Variants in SLC16A2 observed in about 807,000 individuals in gnomAD.
The protein encoded by SLC16A2 is solute carrier family 16 member 2, also known as monocarboxylate transporter 8.
Under a neutral mutation model 27.2 loss-of-function variants are expected in SLC16A2, and 3 were observed. That is an observed-to-expected ratio of 0.11 (90% CI 0.05 to 0.28). The LOEUF (loss-of-function observed/expected upper bound fraction) is 0.28. SLC16A2 is among the 10% of genes least tolerant of loss of function. The pLI, the probability that SLC16A2 is intolerant of heterozygous loss-of-function variation, is 1.00. For synonymous variants in SLC16A2, 202 were observed against 187.8 expected (o/e 1.08, Z -0.62); for missense variants, 295 against 458.5 (o/e 0.64, Z 3.26).
At chrX:74,502,399 C>T (rs1217875755) in intron 1 of SLC16A2, among the ~76,000 whole-genome samples, 1 of 111,766 alleles carries the variant, frequency 8.9e-6, no homozygotes, top group Non-Finnish European at 1.9e-5. Flanking sequence ...TTTAACATTC[C>T]ACTAGGACTT....
intron 2 of SLC16A2, among the ~76,000 whole-genome samples, chrX:74,522,417 G>A (rs145458205): frequency 1.3e-3 from 149 of 111,173 alleles, no homozygotes; most frequent in African/African-American, 4.6e-3. Context: ...GGGAAAAACC[G>A]TGTCCTGCCT....
chrX:74,459,969 G>C (rs1375083566), intron 1 of SLC16A2, among the ~76,000 whole-genome samples: 1 of 111,685 alleles, frequency 9.0e-6, no homozygotes, highest in Non-Finnish European at 1.9e-5. Flanking sequence ...CAAGACTCAA[G>C]GTGGTCTGAC....
chrX:74,476,689 G>A (rs780567538), intron 1 of SLC16A2, among the ~76,000 whole-genome samples: 2 of 111,924 alleles, frequency 1.8e-5, no homozygotes, highest in Non-Finnish European at 3.8e-5. Flanking sequence ...TAGCATGAAG[G>A]GCTGTTGAAT....
chrX:74,518,419 C>A (rs1434670809), intron 1 of SLC16A2, among the ~76,000 whole-genome samples: 1 of 110,901 alleles, frequency 9.0e-6, no homozygotes, highest in African/African-American at 3.3e-5. Flanking sequence ...CGTGGTGAAA[C>A]CCCATCTCTA....
chrX:74,431,278 G>A (rs1176884885), intron 1 of SLC16A2, among the ~76,000 whole-genome samples: 1 of 112,551 alleles, frequency 8.9e-6, no homozygotes, highest in Non-Finnish European at 1.9e-5. Context: ...GAAATATTAT[G>A]CAGTCATAAA....
At position 74,429,369 on chromosome X, in the gene SLC16A2, G is replaced by A. The variant is rs1275146493; in HGVS notation, c.430+7302G>A. On this transcript the variant is annotated intron_variant, in intron 1 of 5. Transcript: ENST00000587091. ...TGCCTGTGGTCACAGGTACTTGGAA[G>A]GCTGAGATACTAGGATCTCTTGAGC... Among the ~76,000 whole-genome samples the A allele has an allele frequency of 4.6e-5, 5 of 109,715 alleles. No homozygotes were observed. In the East Asian group the frequency reaches 1.4e-3, roughly 32 times the overall value.
At chrX:74,427,806 C>T (rs1331186756) in intron 1 of SLC16A2, among the ~76,000 whole-genome samples, 4 of 71,496 alleles carry the variant, frequency 5.6e-5, no homozygotes, top group Non-Finnish European at 7.8e-5. Flanking sequence ...CGCGTGCACG[C>T]GCGCGCACAC....
At chrX:74,510,008 T>G (rs1930202702) in intron 1 of SLC16A2, among the ~76,000 whole-genome samples, 3 of 112,612 alleles carry the variant, frequency 2.7e-5, no homozygotes, top group African/African-American at 9.7e-5. Context: ...ACTGGCCTTA[T>G]AGAATGAGCT....
intron 1 of SLC16A2, among the ~76,000 whole-genome samples, chrX:74,459,091 A>G (rs771347609): frequency 5.8e-5 from 6 of 103,082 alleles, no homozygotes; most frequent in African/African-American, 2.1e-4. Context: ...TGGGTGGTGG[A>G]TGGACTAGAG....
intron 4 of SLC16A2, among the ~76,000 whole-genome samples, chrX:74,528,261 G>A (rs1163659640): frequency 9.0e-6 from 1 of 111,024 alleles, no homozygotes; most frequent in Non-Finnish European, 1.9e-5. Context: ...GGGGTTGGCA[G>A]CAGCGGGATG....
intron 1 of SLC16A2, among the ~76,000 whole-genome samples, chrX:74,465,045 G>C (rs982499355): frequency 1.8e-5 from 2 of 112,050 alleles, no homozygotes; most frequent in Non-Finnish European, 3.8e-5. Context: ...CCTATGGCCA[G>C]CAAACAGCTG....
At chrX:74,474,376 G>C (rs1929420528) in intron 1 of SLC16A2, among the ~76,000 whole-genome samples, 2 of 110,736 alleles carry the variant, frequency 1.8e-5, no homozygotes, top group African/African-American at 6.6e-5. Context: ...TTTATTGCTA[G>C]TATATAGAAA....
intron 1 of SLC16A2, among the ~76,000 whole-genome samples, chrX:74,426,335 C>T (rs1167277005): frequency 8.9e-6 from 1 of 111,871 alleles, no homozygotes; most frequent in African/African-American, 3.3e-5. Context: ...CCTTTCCAAC[C>T]AAATGGGATC....
rs143479064 is a variant in SLC16A2, at chrX:74,494,378, G to A, written c.431-26612G>A. 2.8e-3 allele frequency among the ~76,000 whole-genome samples: 317 copies of A among 111,274 alleles called. 2 individuals are homozygous for A. Among genetic ancestry groups the A allele is most frequent in the African/African-American group, 9.8e-3 (299 of 30,601 alleles). The stretch of plus-strand genomic sequence containing the variant: ...ATTATCAGCGCCTGGCCAGTCACAC[G>A]TCATTGGATCCGTAAGTATTTCAAT... On this transcript the variant is annotated intron_variant, in intron 1 of 5. Coordinates refer to ENST00000587091, the MANE Select transcript of SLC16A2 (RefSeq NM_006517.5).
intron 4 of SLC16A2, 66 bp downstream of exon 4, chrX:74,525,959 C>T (rs565264664): frequency 1.3e-5 from 15 of 1,130,689 alleles, no homozygotes; most frequent in Middle Eastern, 3.1e-4. Context: ...TTATCCACAG[C>T]CTTTGGGATA....
At chrX:74,460,939 C>T (rs1929129769) in intron 1 of SLC16A2, among the ~76,000 whole-genome samples, 1 of 111,950 alleles carries the variant, frequency 8.9e-6, no homozygotes, top group African/African-American at 3.2e-5. Context: ...GTGTGAGCCA[C>T]TGTGCCCGGC....
chrX:74,467,211 A>G (rs1481663427), intron 1 of SLC16A2, among the ~76,000 whole-genome samples: 1 of 111,835 alleles, frequency 8.9e-6, no homozygotes, highest in Non-Finnish European at 1.9e-5. Flanking sequence ...GGGGCCTTAG[A>G]TATAATCTTT....
intron 1 of SLC16A2, among the ~76,000 whole-genome samples, chrX:74,422,615 T>A (rs896456873): frequency 9.0e-6 from 1 of 111,183 alleles, no homozygotes; most frequent in East Asian, 2.9e-4. Context: ...GTCAAACACA[T>A]GGCAGGCGTG....
rs6647494 is a variant in SLC16A2 at position 74,515,646 on chromosome X, T to C, written c.431-5344T>C. The stretch of plus-strand genomic sequence containing the variant: ...CTAAACACACAGACATGCACGTGCA[T>C]GCACACACACACACACACACACATC... On this transcript the variant is annotated intron_variant, in intron 1 of 5. Transcript: ENST00000587091. 0.081 allele frequency among the ~76,000 whole-genome samples: 8,903 copies of C among 109,802 alleles called. 1,044 individuals carry two copies. In the East Asian group the frequency reaches 0.83, roughly 10 times the overall value.
Sources: allele counts gnomAD v4.1 joint callset (sites outside exome capture counted in the v4.1 genomes callset), GRCh38; gene constraint gnomAD v4.1.1; transcripts MANE v1.5; gene names NCBI Gene and HGNC (gene_info 2026-07-23, HGNC 2026-07-21).